The following ARHGEF10 variants were observed in gnomAD, a reference collection of about 807,000 sequenced individuals.
ARHGEF10 encodes the protein Rho guanine nucleotide exchange factor 10.
In ARHGEF10, 140 loss-of-function variants were observed where a neutral mutation model predicts 147.4. The ratio of observed to expected loss-of-function variants is 0.95; its 90% CI spans 0.83 to 1.09. The LOEUF is 1.09. Ranked by LOEUF, ARHGEF10 falls within the 50% of genes least tolerant of loss-of-function variation. The pLI, the probability that ARHGEF10 is intolerant of heterozygous loss-of-function variation, is 0.00. For missense variants in ARHGEF10, 2,222 were observed against 1,752.7 expected, an observed-to-expected ratio of 1.27 and a Z score of -4.78; for synonymous variants, 902 against 695.8, an observed-to-expected ratio of 1.30 and a Z score of -4.67.
Position 1,928,452 on chromosome 8 carries a change from G to T in ARHGEF10, c.2723G>T (p.Gly908Val), listed in dbSNP as rs777169340. The T allele has an allele frequency of 5.0e-6, 8 of 1,614,158 alleles. No homozygotes were observed. The highest frequency in any genetic ancestry group is 6.8e-6 in the Non-Finnish European group (8 of 1,180,040). The change falls in exon 24 of 29, where the codon GGT becomes GTT. Residue 908 changes from glycine (G) to valine (V), a missense_variant. Transcript: ENST00000349830. The stretch of plus-strand genomic sequence containing the variant: ...ATCGGAAGTTGCACCCATCAAATGG[G>T]TCAGATTGCCATCGTCTCGTTTCAA... The part of the protein sequence containing the change: ...LWIGSCTHQM[G>V]QIAIVSFQNS...
chr8:1,838,962 G>C (rs1563156427), intron 1 of ARHGEF10, among the ~76,000 whole-genome samples: 1 of 151,552 alleles, frequency 6.6e-6, no homozygotes, highest in African/African-American at 2.4e-5. Context: ...CATGGAAGCT[G>C]TCTGGCGTGG....
chr8:1,903,732 A>C, intron 16 of ARHGEF10: 1 of 512,342 alleles, frequency 2.0e-6, no homozygotes, highest in Non-Finnish European at 3.5e-6. Flanking sequence ...GGTTAAGAGC[A>C]ACTCCTTTAG....
At chr8:1,942,413 T>C (rs1297504631) in intron 26 of ARHGEF10, among the ~76,000 whole-genome samples, 1 of 151,726 alleles carries the variant, frequency 6.6e-6, no homozygotes, top group East Asian at 1.9e-4. Context: ...TGAGACACTG[T>C]GTCACACACT....
intron 1 of ARHGEF10, among the ~76,000 whole-genome samples, chr8:1,843,111 C>T (rs1804222042): frequency 6.6e-6 from 1 of 152,232 alleles, no homozygotes; most frequent in South Asian, 2.1e-4. Context: ...AAATAAACTT[C>T]TGGCTACATT....
intron 11 of ARHGEF10, among the ~76,000 whole-genome samples, chr8:1,890,463 T>G (rs1362089458): frequency 3.7e-3 from 297 of 79,214 alleles, no homozygotes; most frequent in African/African-American, 4.4e-3. Context: ...GTGGGGTGAG[T>G]GTTGTGAGGA....
At chr8:1,945,688 C>T (rs761324675) in intron 27 of ARHGEF10, 33 bp downstream of exon 27, 2 of 1,612,930 alleles carry the variant, frequency 1.2e-6, no homozygotes, top group South Asian at 1.1e-5. Context: ...AGGGATGGGA[C>T]AGCAACCGGG....
chr8:1,893,655 G>C lies in ARHGEF10; in HGVS notation c.1260+9G>C. 6.3e-7 allele frequency: 1 copy of C among 1,593,972 alleles called. No individual in the cohort carries two copies. Among genetic ancestry groups the C allele is most frequent in the South Asian group, 1.1e-5 (1 of 90,640 alleles). On this transcript the variant is annotated intron_variant, in intron 12 of 28. Coordinates refer to ENST00000349830, the MANE Select transcript of ARHGEF10 (RefSeq NM_014629.4). ...TTAAGAGGATTTTGGAGGTACTTAA[G>C]TGTCGTGTTACATAATACATACATT...
At position 1,889,261 on chromosome 8, in the gene ARHGEF10, G is replaced by A. The variant is rs1809163751; in HGVS notation, c.1182+3554G>A. Among the ~76,000 whole-genome samples the A allele has an allele frequency of 7.3e-5, 4 of 54,546 alleles. 2 individuals carry two copies. The Admixed American group carries it at 8.2e-4, about 11-fold the overall frequency. 35.8% of individuals were successfully genotyped at this position (54,546 alleles called of 152,430 possible). ...AGACATTGAGTGGGATGAGAGGTGT[G>A]AGGAGACACTGAATGTGGTGAGGGT... On this transcript the variant is annotated intron_variant, in intron 11 of 28. Transcript: ENST00000349830.
chr8:1,854,333 G>A (rs983925301), intron 2 of ARHGEF10, among the ~76,000 whole-genome samples: 7 of 152,328 alleles, frequency 4.6e-5, no homozygotes, highest in East Asian at 1.9e-4. Flanking sequence ...CTGGGCGCCC[G>A]CCGTGGGCAC....
At chr8:1,904,317 T>A (rs1392002717) in intron 16 of ARHGEF10, 1 of 152,204 alleles carries the variant, frequency 6.6e-6, no homozygotes, top group Non-Finnish European at 1.5e-5. Flanking sequence ...AGATGGTAAT[T>A]TGTATGAACT....
chr8:1,875,393 C>G (rs1281797240), intron 7 of ARHGEF10, among the ~76,000 whole-genome samples: 1 of 152,102 alleles, frequency 6.6e-6, no homozygotes, highest in Non-Finnish European at 1.5e-5. Context: ...TGGGTAGGCT[C>G]TCAGGATGAC....
At chr8:1,881,328 C>G (rs1455970511) in intron 9 of ARHGEF10, among the ~76,000 whole-genome samples, 4 of 152,162 alleles carry the variant, frequency 2.6e-5, no homozygotes, top group African/African-American at 9.7e-5. Context: ...GTTTGCAGTT[C>G]TCTGATACTC....
At chr8:1,847,703 G>C (rs923968342) in intron 2 of ARHGEF10, among the ~76,000 whole-genome samples, 5 of 152,162 alleles carry the variant, frequency 3.3e-5, no homozygotes, top group African/African-American at 4.8e-5. Context: ...GTTATGAATA[G>C]CCTCTTGTGG....
chr8:1,898,402 A>T, intron 14 of ARHGEF10, 31 bp from the exon 15 acceptor site: 4 of 1,603,676 alleles, frequency 2.5e-6, no homozygotes, highest in Non-Finnish European at 3.4e-6. Context: ...GCAGCCCTGC[A>T]GGGAGGTGAC....
chr8:1,840,449 G>T (rs1357954534), intron 1 of ARHGEF10, among the ~76,000 whole-genome samples: 1 of 140,234 alleles, frequency 7.1e-6, no homozygotes, highest in Non-Finnish European at 1.6e-5. Flanking sequence ...GGACTGTCCG[G>T]TGTGGAAGCT....
At chr8:1,842,042 T>C (rs939362452) in intron 1 of ARHGEF10, among the ~76,000 whole-genome samples, 9 of 102,462 alleles carry the variant, frequency 8.8e-5, no homozygotes, top group Middle Eastern at 5.6e-3. Flanking sequence ...CGGCGGGAAC[T>C]GGGGCCGCGG....
chr8:1,867,410 T>G (rs952341311), intron 6 of ARHGEF10, among the ~76,000 whole-genome samples: 2 of 152,240 alleles, frequency 1.3e-5, no homozygotes, highest in Non-Finnish European at 2.9e-5. Flanking sequence ...TGCATCATTT[T>G]ATTTATAATC....
At chr8:1,926,861 T>A (rs1812730231) in intron 23 of ARHGEF10, 1 of 310,626 alleles carries the variant, frequency 3.2e-6, no homozygotes, top group East Asian at 8.9e-5. Flanking sequence ...AATGAAATAT[T>A]GCATCTGAAA....
At position 1,876,707 on chromosome 8, in the gene ARHGEF10, C is replaced by T; in HGVS notation, c.816C>T (p.Ser272=). Reference sequence around the variant, plus strand: ...AGTGCAAGAATGGGATTCCCAGGTCCTTCCTGCGCAGCAACCACAAAAAGC... The same window carrying T: ...AGTGCAAGAATGGGATTCCCAGGTCTTTCCTGCGCAGCAACCACAAAAAGC... The part of the protein sequence containing the change: ...DSECKNGIPR[S]FLRSNHKKQL... The change falls in exon 8 of 29, where the codon TCC becomes TCT. Residue 272 remains serine, a synonymous_variant. Transcript: ENST00000349830. 1 of 1,614,148 alleles carries T rather than the reference C, an allele frequency of 6.2e-7. No homozygotes were observed. The highest frequency in any genetic ancestry group is 8.5e-7 in the Non-Finnish European group (1 of 1,180,040).
Sources: allele counts gnomAD v4.1 joint callset (sites outside exome capture counted in the v4.1 genomes callset), GRCh38; gene constraint gnomAD v4.1.1; transcripts MANE v1.5; gene names NCBI Gene and HGNC (gene_info 2026-07-23, HGNC 2026-07-21).